The following AGK variants were observed in gnomAD, a reference collection of about 807,000 sequenced individuals.
AGK encodes the protein acylglycerol kinase.
Under a neutral mutation model 66.4 loss-of-function variants are expected in AGK, and 52 were observed. That is an observed-to-expected ratio of 0.78 (90% CI 0.63 to 0.99). The LOEUF is 0.99. Ranked by LOEUF, AGK falls within the 50% of genes least tolerant of loss-of-function variation. The pLI is 0.00. For synonymous variants in AGK, 182 were observed against 181.1 expected, an observed-to-expected ratio of 1.00 and a Z score of -0.04; for missense variants, 451 against 506.6, an observed-to-expected ratio of 0.89 and a Z score of 1.05.
intron 1 of AGK, among the ~76,000 whole-genome samples, chr7:141,554,792 G>C (rs1201090229): frequency 6.6e-6 from 1 of 152,182 alleles, no homozygotes; most frequent in African/African-American, 2.4e-5. Flanking sequence ...GAGTGTATGA[G>C]TGTCTATCAT....
In AGK at chr7:141,633,967, G is replaced by A. The variant is rs201584377; in HGVS notation, c.655G>A (p.Val219Ile). The A allele has an allele frequency of 7.6e-5, 123 of 1,613,662 alleles. No homozygotes were observed. The highest frequency in any genetic ancestry group is 9.1e-5 in the Non-Finnish European group (107 of 1,179,608). Residue 219 changes from valine to isoleucine, a missense_variant, in exon 10 of 16, where the codon GTC becomes ATC. Val to Ile is a conservative substitution (Grantham distance 29, BLOSUM62 3). Transcript: ENST00000649286. ...ATGGGGATCTTTCAGAGATGCTGGCGTCAAAGTTAGCAAGTAAAGGATTAC... is the reference window on the plus strand; with the variant it reads ...ATGGGGATCTTTCAGAGATGCTGGCATCAAAGTTAGCAAGTAAAGGATTAC... Reference protein sequence around the residue: ...LRWGSFRDAGVKVSKYWYLGP... With the variant: ...LRWGSFRDAGIKVSKYWYLGP...
chr7:141,593,038 GT>G (rs1587103621), intron 2 of AGK, 107 bp from the exon 3 acceptor site: 14 of 906,110 alleles, frequency 1.5e-5, no homozygotes, highest in East Asian at 2.6e-5. Flanking sequence ...TCACTGGGGT[GT>G]TTTTAGAGAA....
At chr7:141,605,907 C>T (rs753475925) in intron 5 of AGK, among the ~76,000 whole-genome samples, 4 of 152,140 alleles carry the variant, frequency 2.6e-5, no homozygotes, top group Non-Finnish European at 4.4e-5. Context: ...TTAGAATATT[C>T]TTCCTAATTT....
In AGK at chr7:141,651,585, C is replaced by G; in HGVS notation, c.1107C>G (p.Ser369Arg). ...AGGGCACGGAGTGTCTCCAAGCCAG[C>G]CAGTGCACTTTGCTTATCCCGGAGG... ...HVEGTECLQASQCTLLIPEGA... is the reference protein window; with the variant it reads ...HVEGTECLQARQCTLLIPEGA... Residue 369 changes from serine (S) to arginine (R), a missense_variant, in exon 15 of 16, where the codon AGC becomes AGG. Physicochemically the swap from Ser to Arg is moderately radical, Grantham distance 110 (BLOSUM62 -1). Coordinates refer to ENST00000649286, the MANE Select transcript of AGK (RefSeq NM_018238.4). 1 of 1,614,184 alleles carries G rather than the reference C, an allele frequency of 6.2e-7. No homozygotes were observed. The highest frequency in any genetic ancestry group is 8.5e-7 in the Non-Finnish European group (1 of 1,180,024).
At chr7:141,576,169 A>C (rs1331772300) in intron 2 of AGK, among the ~76,000 whole-genome samples, 1 of 152,208 alleles carries the variant, frequency 6.6e-6, no homozygotes, top group African/African-American at 2.4e-5. Context: ...AAAATATATC[A>C]ATAAATTTTC....
intron 8 of AGK, 45 bp downstream of exon 8, chr7:141,615,610 C>G (rs765854815): frequency 6.7e-7 from 1 of 1,482,036 alleles, no homozygotes; most frequent in Admixed American, 1.7e-5. Context: ...GTGAGCGAGA[C>G]TGGGAATGAA....
At chr7:141,588,168 G>A (rs1796031917) in intron 2 of AGK, among the ~76,000 whole-genome samples, 1 of 152,226 alleles carries the variant, frequency 6.6e-6, no homozygotes, top group African/African-American at 2.4e-5. Context: ...AACTAAATGA[G>A]TAATTGCCCA....
chr7:141,606,604 G>A (rs907564224), intron 5 of AGK, among the ~76,000 whole-genome samples: 5 of 152,096 alleles, frequency 3.3e-5, no homozygotes, highest in Non-Finnish European at 7.4e-5. Flanking sequence ...TCTTGCGTTA[G>A]TGTTATAAAT....
chr7:141,621,107 C>G (rs868246004), intron 8 of AGK, among the ~76,000 whole-genome samples: 1 of 152,182 alleles, frequency 6.6e-6, no homozygotes, highest in Non-Finnish European at 1.5e-5. Context: ...CATTGCTTCC[C>G]CTCCCTTCAC....
At chr7:141,581,252 G>C (rs1795876144) in intron 2 of AGK, among the ~76,000 whole-genome samples, 1 of 151,948 alleles carries the variant, frequency 6.6e-6, no homozygotes, top group Non-Finnish European at 1.5e-5. Flanking sequence ...GTCAGTCCAA[G>C]TGAAAGCAAA....
chr7:141,621,514 T>G (rs1398484648), intron 8 of AGK, among the ~76,000 whole-genome samples: 1 of 152,060 alleles, frequency 6.6e-6, no homozygotes, highest in Non-Finnish European at 1.5e-5. Flanking sequence ...TTGTATGAAC[T>G]TCTCCTTGCC....
chr7:141,619,710 G>T (rs1020380917), intron 8 of AGK, among the ~76,000 whole-genome samples: 2 of 150,254 alleles, frequency 1.3e-5, no homozygotes, highest in African/African-American at 4.9e-5. Flanking sequence ...TCAAATAAAT[G>T]CAGCAACTGA....
At chr7:141,652,444 T>G (rs1031742336) in intron 15 of AGK, 1 of 183,606 alleles carries the variant, frequency 5.4e-6, no homozygotes, top group East Asian at 1.3e-4. Context: ...AGAAAGACTA[T>G]GTATATGAGT....
chr7:141,590,588 T>C (rs1448249284), intron 2 of AGK, among the ~76,000 whole-genome samples: 2 of 152,132 alleles, frequency 1.3e-5, no homozygotes, highest in Non-Finnish European at 2.9e-5. Flanking sequence ...ATTATTTTGT[T>C]ATCCAGAGGT....
At chr7:141,625,372 C>G (rs1017795109) in intron 9 of AGK, among the ~76,000 whole-genome samples, 3 of 151,950 alleles carry the variant, frequency 2.0e-5, no homozygotes, top group Admixed American at 6.6e-5. Context: ...TATTTTTGGA[C>G]AGGATCTCAC....
intron 2 of AGK, among the ~76,000 whole-genome samples, chr7:141,575,521 TTGTTTCAGG>T (rs932696262): frequency 6.6e-6 from 1 of 152,100 alleles, no homozygotes; most frequent in Non-Finnish European, 1.5e-5. Context: ...TGTCATATAT[TTGTTTCAGG>T]GGTTTCAGGG....
intron 5 of AGK, among the ~76,000 whole-genome samples, chr7:141,604,582 ATTTT>A (rs201589014): frequency 7.4e-6 from 1 of 135,372 alleles, no homozygotes. Context: ...ATCTTGTAGA[ATTTT>A]TTTTTTTTTT....
chr7:141,603,849 C>T (rs1482813887), intron 5 of AGK, among the ~76,000 whole-genome samples: 1 of 152,128 alleles, frequency 6.6e-6, no homozygotes, highest in Non-Finnish European at 1.5e-5. Context: ...TACAGATATC[C>T]TCTAATTTTA....
intron 4 of AGK, 114 bp downstream of exon 4, chr7:141,596,755 CT>C: frequency 1.2e-6 from 1 of 813,214 alleles, no homozygotes; most frequent in Non-Finnish European, 2.0e-6. Flanking sequence ...GTTTAGTACT[CT>C]TCTAGCAATA....
Sources: gnomAD v4.1 joint callset for allele counts (sites outside exome capture counted in the v4.1 genomes callset) on GRCh38, gnomAD v4.1.1 for gene constraint, MANE v1.5 for transcripts, NCBI Gene and HGNC (gene_info 2026-07-23, HGNC 2026-07-21) for gene names.